The following TLN2 variants were observed in gnomAD, a reference collection of about 807,000 sequenced individuals.
TLN2 encodes talin-2.
TLN2 carries 118 observed loss-of-function variants against 294.7 expected under a neutral mutation model. The ratio of observed to expected loss-of-function variants is 0.40; its 90% CI spans 0.34 to 0.47. The LOEUF (loss-of-function observed/expected upper bound fraction) is 0.47, where lower values mean the gene tolerates loss of function less well. TLN2 is among the 20% of genes least tolerant of loss of function. The probability of loss-of-function intolerance (pLI) is 0.84; values close to 1 mark genes in which losing one functional copy is unlikely to be tolerated. For missense variants in TLN2, 3,083 were observed against 3,282.2 expected (o/e 0.94, Z 1.48); for synonymous variants, 1,431 against 1,304.5 (o/e 1.10, Z -2.09).
intron 25 of TLN2, among the ~76,000 whole-genome samples, chr15:62,721,568 T>C (rs78293828): frequency 0.082 from 12,488 of 152,116 alleles, 812 homozygotes; most frequent in African/African-American, 0.18. Flanking sequence ...CTGGCACTTG[T>C]TGGAACTTTT....
At chr15:62,814,223 A>G (rs2066905500) in intron 52 of TLN2, among the ~76,000 whole-genome samples, 2 of 152,244 alleles carry the variant, frequency 1.3e-5, no homozygotes, top group Non-Finnish European at 2.9e-5. Context: ...AAATAATGGA[A>G]AAAAGGGGAC....
At chr15:62,478,083 G>A (rs56759659) in intron 1 of TLN2, among the ~76,000 whole-genome samples, 2,823 of 152,250 alleles carry the variant, frequency 0.019, 81 homozygotes, top group African/African-American at 0.063. Context: ...CCTAGGCCTT[G>A]GGCTAAGTGT....
chr15:62,765,585 T>A (rs192560512), intron 40 of TLN2, among the ~76,000 whole-genome samples: 14 of 152,310 alleles, frequency 9.2e-5, no homozygotes, highest in African/African-American at 3.4e-4. Context: ...GTATGAATAG[T>A]CCTACAGAGG....
intron 14 of TLN2, 151 bp from the exon 15 acceptor site, chr15:62,697,537 C>A: frequency 2.6e-6 from 2 of 781,872 alleles, no homozygotes; most frequent in Non-Finnish European, 4.0e-6. Flanking sequence ...TGTAATGCCA[C>A]TTCTTCATTC....
chr15:62,669,002 G>C (rs1415822290), intron 9 of TLN2, among the ~76,000 whole-genome samples: 1 of 152,172 alleles, frequency 6.6e-6, no homozygotes, highest in Admixed American at 6.5e-5. Flanking sequence ...GTAGGGCCAA[G>C]GTTTTTTCTT....
intron 1 of TLN2, among the ~76,000 whole-genome samples, chr15:62,580,427 C>T (rs34551405): frequency 0.034 from 4,716 of 139,302 alleles, 129 homozygotes; most frequent in Non-Finnish European, 0.052. Context: ...TCCCTCCCTT[C>T]CTTCCCATTG....
At chr15:62,752,572 TAC>T in intron 35 of TLN2, 145 bp downstream of exon 35, 1 of 1,264,856 alleles carries the variant, frequency 7.9e-7, no homozygotes, top group Non-Finnish European at 1.1e-6. Context: ...CTGGGGCATT[TAC>T]ACAAAACATG....
chr15:62,486,555 C>T (rs957005412), intron 1 of TLN2, among the ~76,000 whole-genome samples: 1 of 146,472 alleles, frequency 6.8e-6, no homozygotes, highest in African/African-American at 2.5e-5. Context: ...TATTTTCTCA[C>T]TATTAGATTT....
At chr15:62,624,945 G>T (rs2049151770) in intron 3 of TLN2, among the ~76,000 whole-genome samples, 1 of 152,166 alleles carries the variant, frequency 6.6e-6, no homozygotes, top group Non-Finnish European at 1.5e-5. Flanking sequence ...TGACCTAAAA[G>T]CTACTTGTAC....
intron 1 of TLN2, among the ~76,000 whole-genome samples, chr15:62,460,348 C>T (rs529459791): frequency 5.9e-5 from 9 of 152,094 alleles, no homozygotes; most frequent in African/African-American, 1.9e-4. Flanking sequence ...TCACCGCAAC[C>T]TCCGCCTCCA....
intron 32 of TLN2, among the ~76,000 whole-genome samples, chr15:62,746,328 A>G (rs1210449595): frequency 6.6e-6 from 1 of 152,154 alleles, no homozygotes; most frequent in African/African-American, 2.4e-5. Context: ...AGGTACTTTA[A>G]AAGCGCGCAT....
At chr15:62,767,507 A>T (rs1247265516) in intron 41 of TLN2, among the ~76,000 whole-genome samples, 1 of 151,962 alleles carries the variant, frequency 6.6e-6, no homozygotes, top group Non-Finnish European at 1.5e-5. Context: ...ATGCCCGGCT[A>T]ATTTTTGTAT....
intron 52 of TLN2, among the ~76,000 whole-genome samples, chr15:62,812,505 T>A (rs2066769251): frequency 6.6e-6 from 1 of 152,172 alleles, no homozygotes; most frequent in Non-Finnish European, 1.5e-5. Flanking sequence ...CCCCTTTCAT[T>A]CTCCAGCAAA....
chr15:62,706,696 T>G (rs1441144587), intron 19 of TLN2, among the ~76,000 whole-genome samples: 2 of 152,258 alleles, frequency 1.3e-5, no homozygotes, highest in African/African-American at 4.8e-5. Context: ...TATAACCTTC[T>G]TATGGCACAT....
intron 54 of TLN2, chr15:62,832,116 T>TTTTC (rs1418185791): frequency 6.6e-6 from 1 of 151,436 alleles, no homozygotes; most frequent in Non-Finnish European, 1.5e-5. Flanking sequence ...ATCTTTTTTT[T>TTTTC]TTTTTTTGGT....
At chr15:62,640,519 T>G (rs2050932528) in intron 3 of TLN2, among the ~76,000 whole-genome samples, 1 of 152,090 alleles carries the variant, frequency 6.6e-6, no homozygotes, top group Non-Finnish European at 1.5e-5. Context: ...TGTGCCCCCC[T>G]AAGTTGCCCC....
chr15:62,617,111 T>G (rs2048372874), intron 2 of TLN2, among the ~76,000 whole-genome samples: 1 of 152,130 alleles, frequency 6.6e-6, no homozygotes, highest in South Asian at 2.1e-4. Context: ...CTCGGATTGT[T>G]TGGACTGTCC....
In TLN2 at chr15:62,703,648, C is replaced by G. The variant is rs866639411; in HGVS notation, c.2004+784C>G. On this transcript the variant is annotated intron_variant, in intron 19 of 58. Coordinates refer to ENST00000636159, the MANE Select transcript of TLN2 (RefSeq NM_015059.3). ...GCGCGCACACACACACACACACACA[C>G]ACAGAGAAAGAGAGAGAGAATTTCC... is the stretch of plus-strand genomic sequence containing the variant. Among the ~76,000 whole-genome samples, 94 of 144,018 alleles carry G rather than the reference C, an allele frequency of 6.5e-4. 2 individuals carry two copies. Among genetic ancestry groups the G allele is most frequent in the Admixed American group, 3.0e-3 (43 of 14,144 alleles). The allele number at this position is 144,018 out of a possible 152,430, so 94.5% of individuals were successfully genotyped here.
Position 62,414,575 on chromosome 15 carries a change from G to T in TLN2, c.-238+23890G>T. Among the ~76,000 whole-genome samples, 2 of 140,970 alleles carry T rather than the reference G, an allele frequency of 1.4e-5. 1 individual carries two copies. The highest frequency in any genetic ancestry group is 1.5e-4 in the Admixed American group (2 of 12,972). 92.5% of individuals were successfully genotyped at this position (140,970 alleles called of 152,430 possible). A position where few individuals can be genotyped will look rare whatever the true frequency, so the allele number is the denominator to read the frequency against. Reference sequence around the variant, plus strand: ...GAACCGTTGTTTTAACAAGTTCTCAGGGGTGTTCTGCACACAGAGGTTTGA... The same window carrying T: ...GAACCGTTGTTTTAACAAGTTCTCATGGGTGTTCTGCACACAGAGGTTTGA... On this transcript the variant is annotated intron_variant, in intron 1 of 58. Transcript: ENST00000636159.
Sources: gnomAD v4.1 joint callset for allele counts (sites outside exome capture counted in the v4.1 genomes callset) on GRCh38, gnomAD v4.1.1 for gene constraint, MANE v1.5 for transcripts, NCBI Gene and HGNC (gene_info 2026-07-23, HGNC 2026-07-21) for gene names.